GLI2: variants seen among roughly 807,000 people sequenced by gnomAD.
GLI2 encodes transcription activator GLI2.
Under a neutral mutation model 78.9 loss-of-function variants are expected in GLI2, and 22 were observed. That is an observed-to-expected ratio of 0.28 (90% CI 0.20 to 0.40). The LOEUF is 0.40. GLI2 is among the 10% of genes least tolerant of loss of function. The pLI is 1.00. For synonymous variants in GLI2, 974 were observed against 963.7 expected (o/e 1.01, Z -0.20); for missense variants, 2,097 against 2,213.2 (o/e 0.95, Z 1.05).
chr2:120,880,030 C>A (rs918136497), intron 2 of GLI2, among the ~76,000 whole-genome samples: 3 of 152,272 alleles, frequency 2.0e-5, no homozygotes, highest in Admixed American at 2.0e-4. Context: ...TCGGTGTGGC[C>A]AGAGGTGCCG....
chr2:120,952,806 A>G (rs552285423), intron 4 of GLI2, among the ~76,000 whole-genome samples: 1 of 152,336 alleles, frequency 6.6e-6, no homozygotes, highest in African/African-American at 2.4e-5. Flanking sequence ...GCCCAGCCCT[A>G]TCCACATCAC....
At chr2:120,783,201 A>G (rs546522924) in intron 1 of GLI2, among the ~76,000 whole-genome samples, 1 of 152,286 alleles carries the variant, frequency 6.6e-6, no homozygotes, top group African/African-American at 2.4e-5. Context: ...CCTCATGACC[A>G]AGAGACACCT....
intron 2 of GLI2, among the ~76,000 whole-genome samples, chr2:120,806,705 A>C (rs1015005618): frequency 6.6e-6 from 1 of 152,196 alleles, no homozygotes; most frequent in Non-Finnish European, 1.5e-5. Context: ...AGGTGGGTGC[A>C]TAGCTGATCC....
intron 3 of GLI2, among the ~76,000 whole-genome samples, chr2:120,945,957 T>A (rs371422488): frequency 5.2e-4 from 70 of 134,158 alleles, no homozygotes; most frequent in Admixed American, 1.1e-3. Context: ...CATAACCTTC[T>A]CACACACACA....
chr2:120,838,891 C>CTA (rs948479229), intron 2 of GLI2, among the ~76,000 whole-genome samples: 1 of 152,126 alleles, frequency 6.6e-6, no homozygotes, highest in Non-Finnish European at 1.5e-5. Flanking sequence ...GTGTGGTAGG[C>CTA]TATACATTTA....
At chr2:120,760,411 G>A (rs926852422) in intron 1 of GLI2, among the ~76,000 whole-genome samples, 12 of 152,198 alleles carry the variant, frequency 7.9e-5, no homozygotes, top group Non-Finnish European at 1.2e-4. Context: ...GACTGGAAGG[G>A]ACAAGTGATT....
At chr2:120,736,792 C>G (rs562844635) in intron 1 of GLI2, among the ~76,000 whole-genome samples, 149 of 152,070 alleles carry the variant, frequency 9.8e-4, no homozygotes, top group African/African-American at 3.0e-3. Context: ...CGGAGCCCTG[C>G]CTTTCTTTCT....
chr2:120,964,362 T>C (rs895975057), intron 5 of GLI2, among the ~76,000 whole-genome samples: 1 of 152,184 alleles, frequency 6.6e-6, no homozygotes, highest in Non-Finnish European at 1.5e-5. Context: ...GCAGTGGGGA[T>C]TTTTGGAAAG....
rs748233304 is a variant in GLI2 at position 120,990,188 on chromosome 2, G to C, written c.4223G>C (p.Gly1408Ala). ...CCCAAGGGAGCGATGGGCAACATGG[G>C]GTCGGTGCCTCCCCAGCCGCCTCCG... ...AVPKGAMGNM[G>A]SVPPQPPPQD... Residue 1408 changes from glycine (G) to alanine (A), a missense_variant, in exon 14 of 14, where the codon GGG becomes GCG. Transcript: ENST00000361492. 2 of 1,613,200 alleles carry C rather than the reference G, an allele frequency of 1.2e-6. No individual in the cohort carries two copies. The highest frequency in any genetic ancestry group is 1.7e-6 in the Non-Finnish European group (2 of 1,179,900).
chr2:120,894,298 C>T (rs941359143), intron 2 of GLI2, among the ~76,000 whole-genome samples: 4 of 152,240 alleles, frequency 2.6e-5, no homozygotes, highest in African/African-American at 9.6e-5. Context: ...ACAGATGTCC[C>T]TTAGAAAGGA....
chr2:120,764,916 C>T (rs2104649666), intron 1 of GLI2, among the ~76,000 whole-genome samples: 1 of 152,266 alleles, frequency 6.6e-6, no homozygotes, highest in South Asian at 2.1e-4. Context: ...GTTAGCTCTG[C>T]CTTTGTGTCT....
At chr2:120,920,765 A>G (rs1299809812) in intron 2 of GLI2, among the ~76,000 whole-genome samples, 1 of 151,544 alleles carries the variant, frequency 6.6e-6, no homozygotes, top group Non-Finnish European at 1.5e-5. Context: ...CCCATCTTAG[A>G]GTTTCTTCCT....
chr2:120,953,245 C>A (rs1681081947), intron 4 of GLI2, among the ~76,000 whole-genome samples: 1 of 152,138 alleles, frequency 6.6e-6, no homozygotes, highest in Non-Finnish European at 1.5e-5. Flanking sequence ...TCATGCCCGC[C>A]CAGAGACACA....
At chr2:120,822,013 C>T (rs535175446) in intron 2 of GLI2, among the ~76,000 whole-genome samples, 3 of 152,344 alleles carry the variant, frequency 2.0e-5, no homozygotes, top group South Asian at 4.1e-4. Context: ...CTGTGTTCCA[C>T]ACCTCTGACA....
At chr2:120,743,066 T>C (rs1682596866) in intron 1 of GLI2, among the ~76,000 whole-genome samples, 1 of 152,194 alleles carries the variant, frequency 6.6e-6, no homozygotes, top group Non-Finnish European at 1.5e-5. Context: ...CCATACCAAG[T>C]GGCCTAAGGA....
At chr2:120,987,979 G>C (rs954082840) in intron 13 of GLI2, among the ~76,000 whole-genome samples, 6 of 152,194 alleles carry the variant, frequency 3.9e-5, no homozygotes, top group African/African-American at 1.4e-4. Flanking sequence ...GTATGCCCTA[G>C]CTACTCCAGA....
At position 120,988,243 on chromosome 2, in the gene GLI2, G is replaced by A. The variant is rs1293213627; in HGVS notation, c.2278G>A (p.Gly760Ser). The change falls in exon 14 of 14, where the codon GGC becomes AGC. Residue 760 changes from glycine to serine, a missense_variant. Gly to Ser is a moderately conservative substitution (Grantham distance 56). Around this residue, in one of 5 missense-constraint regions of GLI2, gnomAD observed 1,290 missense variants for 1,261.7 expected, o/e 1.02. Coordinates refer to ENST00000361492, the MANE Select transcript of GLI2 (RefSeq NM_001374353.1). ...GGAAAACTTCAGTGGCAGTGGGGGC[G>A]GCGGGCCCGCGGGGCTGCTGCCGAA... is the stretch of plus-strand genomic sequence containing the variant. ...ILENFSGSGG[G>S]GPAGLLPNPR... The A allele has an allele frequency of 1.9e-6, 3 of 1,582,284 alleles. No homozygotes were observed. The highest frequency in any genetic ancestry group is 2.7e-5 in the African/African-American group (2 of 73,254).
At chr2:120,752,849 C>G (rs1216610198) in intron 1 of GLI2, among the ~76,000 whole-genome samples, 1 of 152,156 alleles carries the variant, frequency 6.6e-6, no homozygotes, top group East Asian at 1.9e-4. Context: ...GCCTTTTTCA[C>G]TCACCTTTTC....
intron 2 of GLI2, among the ~76,000 whole-genome samples, chr2:120,894,562 G>A (rs1677844800): frequency 6.6e-6 from 1 of 151,930 alleles, no homozygotes; most frequent in South Asian, 2.1e-4. Flanking sequence ...GGGCTAATCT[G>A]TGTCTTGTGT....
Sources: allele counts gnomAD v4.1 joint callset (sites outside exome capture counted in the v4.1 genomes callset), GRCh38; gene constraint gnomAD v4.1.1; regional missense constraint gnomAD v4.1.1; transcripts MANE v1.5; gene names NCBI Gene and HGNC (gene_info 2026-07-23, HGNC 2026-07-21).